The following NEMP2 variants were observed in gnomAD, a reference collection of about 807,000 sequenced individuals.
NEMP2 encodes UPF0571 transmembrane protein.
NEMP2 carries 53 observed loss-of-function variants against 54.2 expected under a neutral mutation model. The ratio of observed to expected loss-of-function variants is 0.98; its 90% CI spans 0.78 to 1.23. The LOEUF (loss-of-function observed/expected upper bound fraction) is 1.23. NEMP2 is among the 50% of genes most tolerant of loss of function. The pLI is 0.00. For synonymous variants in NEMP2, 197 were observed against 190.3 expected (o/e 1.04, Z -0.29); for missense variants, 455 against 511.3 (o/e 0.89, Z 1.06).
At chr2:190,482,424 A>T in the NEMP2 span, among the ~76,000 whole-genome samples, 1 of 151,028 alleles carries the variant, frequency 6.6e-6, no homozygotes, top group Admixed American at 6.6e-5. Context: ...TAATCCCAGA[A>T]CTAATTGAAA....
the NEMP2 span, among the ~76,000 whole-genome samples, chr2:190,474,241 C>T: frequency 1.3e-5 from 2 of 151,974 alleles, no homozygotes; most frequent in Non-Finnish European, 2.9e-5. Context: ...GAAATAGAGA[C>T]ACAAAAAACC....
chr2:190,512,455 T>C lies in NEMP2; in HGVS notation c.954-1918A>G, dbSNP rs1402628368. Reference sequence around the variant, plus strand: ...AGTACTATACAAAATAAAGGTATTATTTCTCTGGTGTGTTATTTAACCTAT... The same window carrying C: ...AGTACTATACAAAATAAAGGTATTACTTCTCTGGTGTGTTATTTAACCTAT... On this transcript the variant is annotated intron_variant, in intron 7 of 8. Coordinates refer to ENST00000409150, the MANE Select transcript of NEMP2 (RefSeq NM_001142645.2). This position sits in a 1 kb window ranked among gnomAD's most constrained non-coding sequence, Gnocchi z 4.5. 1.3e-5 allele frequency among the ~76,000 whole-genome samples: 2 copies of C among 152,246 alleles called. No homozygotes were observed. Among genetic ancestry groups the C allele is most frequent in the East Asian group, 3.8e-4 (2 of 5,204 alleles).
At chr2:190,422,222 G>T in the NEMP2 span, among the ~76,000 whole-genome samples, 2 of 152,116 alleles carry the variant, frequency 1.3e-5, no homozygotes, top group African/African-American at 4.8e-5. Flanking sequence ...GGACATTCAG[G>T]TGTATTGGTA....
chr2:190,624,627 C>G, the NEMP2 span: 1 of 152,086 alleles, frequency 6.6e-6, no homozygotes, highest in Non-Finnish European at 1.5e-5. Flanking sequence ...ATTATTCAGC[C>G]ATAAAAAATA....
chr2:190,601,566 A>G, the NEMP2 span, among the ~76,000 whole-genome samples: 2 of 152,228 alleles, frequency 1.3e-5, no homozygotes, highest in African/African-American at 4.8e-5. This position sits in a 1 kb window ranked among gnomAD's most constrained non-coding sequence, Gnocchi z 5.8. Flanking sequence ...AGTTGATAAT[A>G]GACATATACA....
the NEMP2 span, among the ~76,000 whole-genome samples, chr2:190,606,866 C>A: frequency 6.6e-6 from 1 of 152,146 alleles, no homozygotes; most frequent in Admixed American, 6.5e-5. Flanking sequence ...TTAAGAATTT[C>A]TATTTAATTG....
At chr2:190,632,433 T>C in the NEMP2 span, among the ~76,000 whole-genome samples, 1 of 152,272 alleles carries the variant, frequency 6.6e-6, no homozygotes, top group South Asian at 2.1e-4. The surrounding 1 kb of genome is among the most constrained non-coding windows in gnomAD (Gnocchi z 4.8). Flanking sequence ...CATGCTGTGC[T>C]TCCTCCAAGA....
At chr2:190,615,806 G>C in the NEMP2 span, among the ~76,000 whole-genome samples, 1 of 152,114 alleles carries the variant, frequency 6.6e-6, no homozygotes, top group Non-Finnish European at 1.5e-5. This position sits in a 1 kb window ranked among gnomAD's most constrained non-coding sequence, Gnocchi z 4.7. Flanking sequence ...TAGGAGCCTC[G>C]AGCCAGGAAA....
chr2:190,423,085 T>G, the NEMP2 span, among the ~76,000 whole-genome samples: 19 of 152,236 alleles, frequency 1.2e-4, no homozygotes, highest in Non-Finnish European at 2.1e-4. The surrounding 1 kb of genome is among the most constrained non-coding windows in gnomAD (Gnocchi z 4.3). Context: ...GAGATCATTG[T>G]GGATTCACAT....
At chr2:190,609,326 T>G in the NEMP2 span, 1 of 152,110 alleles carries the variant, frequency 6.6e-6, no homozygotes, top group East Asian at 1.9e-4. This position sits in a 1 kb window ranked among gnomAD's most constrained non-coding sequence, Gnocchi z 4.7. Flanking sequence ...GTTTACTTAA[T>G]CTAAATGGGT....
the NEMP2 span, among the ~76,000 whole-genome samples, chr2:190,480,025 T>C: frequency 7.2e-5 from 11 of 152,294 alleles, no homozygotes; most frequent in Admixed American, 7.2e-4. Context: ...CAGCTAGGCA[T>C]GGTGGCATGC....
chr2:190,517,381 C>A (rs1574299443), intron 5 of NEMP2, 139 bp downstream of exon 5: 2 of 600,668 alleles, frequency 3.3e-6, no homozygotes, highest in South Asian at 5.0e-5. Context: ...GAAAAAGATA[C>A]ATTTTAGAGC....
At chr2:190,466,593 T>C in the NEMP2 span, among the ~76,000 whole-genome samples, 1 of 152,188 alleles carries the variant, frequency 6.6e-6, no homozygotes, top group African/African-American at 2.4e-5. Context: ...TGATGAATCA[T>C]TTATTGAGTG....
intron 1 of NEMP2, chr2:190,534,184 CA>C (rs1383718235): frequency 9.6e-7 from 1 of 1,037,850 alleles, no homozygotes; most frequent in Non-Finnish European, 1.2e-6. Flanking sequence ...ATGTACTGTA[CA>C]AAAGGCCGTG....
At chr2:190,436,813 GTTA>G in the NEMP2 span, 1 of 1,614,184 alleles carries the variant, frequency 6.2e-7, no homozygotes, top group Non-Finnish European at 8.5e-7. This position sits in a 1 kb window ranked among gnomAD's most constrained non-coding sequence, Gnocchi z 5.3. Context: ...GACAACCACT[GTTA>G]TTGTTACCAC....
chr2:190,599,355 A>G, the NEMP2 span, among the ~76,000 whole-genome samples: 1 of 152,146 alleles, frequency 6.6e-6, no homozygotes, highest in African/African-American at 2.4e-5. Context: ...CTTTTGGGCT[A>G]AACTTTTATT....
chr2:190,493,020 A>G, the NEMP2 span, among the ~76,000 whole-genome samples: 1 of 152,176 alleles, frequency 6.6e-6, no homozygotes, highest in Non-Finnish European at 1.5e-5. Context: ...TTGGAATAGT[A>G]CCTCACATTT....
At chr2:190,463,887 C>T in the NEMP2 span, 1 of 984,390 alleles carries the variant, frequency 1.0e-6, no homozygotes, top group Non-Finnish European at 1.2e-6. This position sits in a 1 kb window ranked among gnomAD's most constrained non-coding sequence, Gnocchi z 4.4. Flanking sequence ...TAAGGGCGCA[C>T]CATATACTGT....
At chr2:190,605,065 T>C in the NEMP2 span, among the ~76,000 whole-genome samples, 5 of 152,152 alleles carry the variant, frequency 3.3e-5, no homozygotes, top group South Asian at 4.1e-4. Flanking sequence ...CACATACATA[T>C]ACAGTGCACG....
Sources: allele counts gnomAD v4.1 joint callset (sites outside exome capture counted in the v4.1 genomes callset), GRCh38; gene constraint gnomAD v4.1.1; non-coding constraint Gnocchi (gnomAD v3.1); transcripts MANE v1.5; gene names NCBI Gene and HGNC (gene_info 2026-07-23, HGNC 2026-07-21).